Variants in PRDM16 observed in about 807,000 individuals in gnomAD.
PRDM16 encodes the protein PR/SET domain 16, also known as histone-lysine N-methyltransferase PRDM16.
A neutral mutation model predicts 110.6 loss-of-function variants in PRDM16; 23 were observed. That is an observed-to-expected ratio of 0.21 (90% confidence interval 0.15 to 0.29). The LOEUF (loss-of-function observed/expected upper bound fraction) is 0.29. PRDM16 is among the 10% of genes least tolerant of loss of function. PRDM16 has a pLI of 1.00. For synonymous variants in PRDM16, 799 were observed against 781.8 expected (o/e 1.02, Z -0.37); for missense variants, 1,615 against 1,794.3 (o/e 0.90, Z 1.81).
At chr1:3,272,889 C>T (rs772397893) in intron 3 of PRDM16, among the ~76,000 whole-genome samples, 2 of 152,212 alleles carry the variant, frequency 1.3e-5, no homozygotes, top group African/African-American at 2.4e-5. Flanking sequence ...CTTCACGGCT[C>T]TGCCACTCCC....
At position 3,265,551 on chromosome 1, in the gene PRDM16, C is replaced by A. The variant is rs1028208949; in HGVS notation, c.438+21414C>A. Among the ~76,000 whole-genome samples, 1 of 151,990 alleles carries A rather than the reference C, an allele frequency of 6.6e-6. No homozygotes were observed. Among genetic ancestry groups the A allele is most frequent in the South Asian group, 2.1e-4 (1 of 4,818 alleles). ...GGATGTGTGACTCAAGGGACCCATC[C>A]GAGGTTCATGGGAAGAGGAGAAGGG... On this transcript the variant is annotated intron_variant, in intron 3 of 16. Transcript: ENST00000270722. This position sits in a 1 kb window ranked among gnomAD's most constrained non-coding sequence, Gnocchi z 4.5.
chr1:3,374,650 G>A (rs182985566), intron 3 of PRDM16, among the ~76,000 whole-genome samples: 19 of 152,312 alleles, frequency 1.2e-4, no homozygotes, highest in African/African-American at 4.6e-4. Flanking sequence ...AAGGGGGAGG[G>A]GGAGCTCTGC....
chr1:3,074,903 C>T (rs1415078403), intron 1 of PRDM16, among the ~76,000 whole-genome samples: 17 of 152,232 alleles, frequency 1.1e-4, no homozygotes, highest in Admixed American at 1.1e-3. Flanking sequence ...CCTGGTCCAG[C>T]CTGGCGTGGG....
chr1:3,161,240 G>A (rs1643894320), intron 1 of PRDM16, among the ~76,000 whole-genome samples: 2 of 152,062 alleles, frequency 1.3e-5, no homozygotes, highest in East Asian at 1.9e-4. Context: ...GGAGCGCTTC[G>A]GCTCTCACCA....
intron 2 of PRDM16, among the ~76,000 whole-genome samples, chr1:3,238,450 A>G (rs1296294533): frequency 6.6e-6 from 1 of 152,256 alleles, no homozygotes; most frequent in African/African-American, 2.4e-5. Flanking sequence ...AGCTAAAAGC[A>G]GTGTCCAAGG....
At chr1:3,363,160 C>G (rs767729257) in intron 3 of PRDM16, among the ~76,000 whole-genome samples, 1 of 152,072 alleles carries the variant, frequency 6.6e-6, no homozygotes, top group Admixed American at 6.5e-5. Context: ...TCCTCCAGCC[C>G]GGGGGTCGGG....
At position 3,183,606 on chromosome 1, in the gene PRDM16, A is replaced by G. The variant is rs1023613107; in HGVS notation, c.38-2519A>G. Among the ~76,000 whole-genome samples the G allele has an allele frequency of 3.3e-5, 5 of 152,314 alleles. No individual in the cohort carries two copies. In the South Asian group the frequency reaches 6.2e-4, roughly 19 times the overall value. On this transcript the variant is annotated intron_variant, in intron 1 of 16. Transcript: ENST00000270722. ...CCGGGGAAGGGAGGCCGGGGGCCCA[A>G]TGCACAGGCCTGCCTTTAATCAGCA... is the stretch of plus-strand genomic sequence containing the variant.
Position 3,433,884 on chromosome 1 carries a change from C to A in PRDM16, c.*73C>A. 1 of 1,532,218 alleles carries A rather than the reference C, an allele frequency of 6.5e-7. No individual in the cohort carries two copies. The highest frequency in any genetic ancestry group is 8.9e-7 in the Non-Finnish European group (1 of 1,126,472). 94.9% of individuals were successfully genotyped at this position (1,532,218 alleles called of 1,614,324 possible). A position where few individuals can be genotyped will look rare whatever the true frequency, so the allele number is the denominator to read the frequency against. On this transcript the variant is annotated 3_prime_UTR_variant, in exon 17 of 17. Coordinates refer to ENST00000270722, the MANE Select transcript of PRDM16 (RefSeq NM_022114.4). ...CGAAGGACGGAGGCGGGCGGGGCCC[C>A]GGAGAACCCTGTCCCTGCGTGTGGC...
chr1:3,110,346 C>T (rs77913807), intron 1 of PRDM16, among the ~76,000 whole-genome samples: 1 of 137,038 alleles, frequency 7.3e-6, no homozygotes, highest in African/African-American at 2.8e-5. Flanking sequence ...GGGGCTCCCC[C>T]ATGTCCTGGG....
chr1:3,146,905 GC>G (rs1643676455), intron 1 of PRDM16, among the ~76,000 whole-genome samples: 1 of 62,734 alleles, frequency 1.6e-5, no homozygotes, highest in Non-Finnish European at 2.5e-5. Context: ...GCATGTGTGT[GC>G]TCAGTGTGGG....
At chr1:3,431,253 A>AGGCCAGGGCAAGGCTG (rs1638760249) in intron 15 of PRDM16, 145 bp downstream of exon 15, 6 of 1,354,168 alleles carry the variant, frequency 4.4e-6, no homozygotes, top group Non-Finnish European at 5.9e-6. Flanking sequence ...CTCCACACAC[A>AGGCCAGGGCAAGGCTG]GGCCAGGGCA....
At chr1:3,315,450 C>G (rs1372890669) in intron 3 of PRDM16, among the ~76,000 whole-genome samples, 7 of 152,134 alleles carry the variant, frequency 4.6e-5, no homozygotes, top group Non-Finnish European at 1.5e-5. Context: ...CCAAGGAGGG[C>G]CGGGTAGGAA....
intron 1 of PRDM16, among the ~76,000 whole-genome samples, chr1:3,115,227 G>A (rs1029661144): frequency 3.2e-4 from 49 of 152,224 alleles, no homozygotes; most frequent in African/African-American, 1.2e-3. Context: ...ACACATTGGA[G>A]TTCATGAGAC....
chr1:3,282,653 C>T (rs16823802), intron 3 of PRDM16, among the ~76,000 whole-genome samples: 10,614 of 152,234 alleles, frequency 0.07, 628 homozygotes, highest in East Asian at 0.3. Flanking sequence ...GGAAAAAACT[C>T]GCCAAGAGAG....
In PRDM16 at chr1:3,148,197, GCTGGGTGCAATCTCATGCC is replaced by G. The variant is rs1408540042; in HGVS notation, c.38-37910_38-37892del. 1.3e-5 allele frequency among the ~76,000 whole-genome samples: 2 copies of G among 152,070 alleles called. No homozygotes were observed. The highest frequency in any genetic ancestry group is 2.4e-5 in the African/African-American group (1 of 41,402). On this transcript the variant is annotated intron_variant, in intron 1 of 16. Transcript: ENST00000270722. The surrounding 1 kb of genome is among the most constrained non-coding windows in gnomAD (Gnocchi z 5.0). ...AAGGAGCCCCCGGATGAGTGAAGAA[GCTGGGTGCAATCTCATGCC>G]CTGGGTGCAATCTCATGTCCTGGGT...
In PRDM16 at chr1:3,305,974, G is replaced by C. The variant is rs1368989696; in HGVS notation, c.438+61837G>C. ...CTCTGCATCCTCCTCAAGGTCACGT[G>C]CTGGGTACAGTCCCAAGCTCGAGGC... On this transcript the variant is annotated intron_variant, in intron 3 of 16. Coordinates refer to ENST00000270722, the MANE Select transcript of PRDM16 (RefSeq NM_022114.4). Among the ~76,000 whole-genome samples, 6 of 152,364 alleles carry C rather than the reference G, an allele frequency of 3.9e-5. No individual in the cohort carries two copies. In the East Asian group the frequency reaches 1.2e-3, roughly 29 times the overall value.
chr1:3,360,885 A>T (rs1161900449), intron 3 of PRDM16, among the ~76,000 whole-genome samples: 2 of 152,194 alleles, frequency 1.3e-5, no homozygotes, highest in African/African-American at 4.8e-5. Context: ...CCCAAGTGGA[A>T]CATCCCTGGA....
At chr1:3,422,035 G>A (rs972822628) in intron 12 of PRDM16, among the ~76,000 whole-genome samples, 17 of 150,212 alleles carry the variant, frequency 1.1e-4, no homozygotes, top group African/African-American at 4.2e-4. Flanking sequence ...CAGACAGGTA[G>A]ATGGACAGAT....
chr1:3,221,654 G>C (rs1487205061), intron 2 of PRDM16, among the ~76,000 whole-genome samples: 2 of 152,176 alleles, frequency 1.3e-5, no homozygotes, highest in African/African-American at 4.8e-5. Context: ...CTCAATGCCT[G>C]CCCGGCCCTG....
Sources: gnomAD v4.1 joint callset for allele counts (sites outside exome capture counted in the v4.1 genomes callset) on GRCh38, gnomAD v4.1.1 for gene constraint, Gnocchi (gnomAD v3.1) non-coding constraint, MANE v1.5 for transcripts, NCBI Gene and HGNC (gene_info 2026-07-23, HGNC 2026-07-21) for gene names.